The following FER variants were observed in gnomAD, a reference collection of about 807,000 sequenced individuals.
The protein encoded by FER is FER tyrosine kinase.
FER carries 63 observed loss-of-function variants against 111.0 expected under a neutral mutation model. The ratio of observed to expected loss-of-function variants is 0.57; its 90% confidence interval spans 0.46 to 0.70. The LOEUF (loss-of-function observed/expected upper bound fraction) is 0.70. Among genes scored for constraint, FER ranks in the 30% least tolerant of loss-of-function variants. The probability of loss-of-function intolerance (pLI) is 0.00; values close to 1 mark genes in which losing one functional copy is unlikely to be tolerated. For missense variants in FER, 914 were observed against 954.0 expected, an observed-to-expected ratio of 0.96 and a Z score of 0.55; for synonymous variants, 327 against 313.9, an observed-to-expected ratio of 1.04 and a Z score of -0.44.
chr5:109,074,982 A>T (rs77086150), intron 16 of FER, among the ~76,000 whole-genome samples: 4,657 of 152,316 alleles, frequency 0.031, 244 homozygotes, highest in African/African-American at 0.11. Flanking sequence ...ATCAGTATGG[A>T]ATATATCAAA....
chr5:108,941,538 G>A (rs72787096), intron 10 of FER, among the ~76,000 whole-genome samples: 18,974 of 152,170 alleles, frequency 0.12, 1,243 homozygotes, highest in Middle Eastern at 0.17. Context: ...TTGTCTCACA[G>A]TTTATTAGTT....
intron 11 of FER, among the ~76,000 whole-genome samples, chr5:108,947,092 C>T (rs773210996): frequency 7.2e-5 from 11 of 151,996 alleles, no homozygotes; most frequent in Admixed American, 3.9e-4. Context: ...TATCTATTCA[C>T]CAGCTGATGG....
intron 8 of FER, among the ~76,000 whole-genome samples, chr5:108,877,959 G>T (rs1765258020): frequency 6.6e-6 from 1 of 151,954 alleles, no homozygotes. Context: ...AGGCTGGAGT[G>T]CAGTGGCGCA....
At chr5:108,831,585 T>TA (rs1760053060) in intron 3 of FER, among the ~76,000 whole-genome samples, 2 of 152,296 alleles carry the variant, frequency 1.3e-5, no homozygotes, top group South Asian at 4.2e-4. Flanking sequence ...ATTTCACAAC[T>TA]AAAAATAGTC....
intron 10 of FER, among the ~76,000 whole-genome samples, chr5:108,900,325 C>T (rs1337122770): frequency 6.6e-6 from 1 of 152,012 alleles, no homozygotes. Flanking sequence ...TTCAGTTTTT[C>T]AATTAATAAT....
intron 13 of FER, among the ~76,000 whole-genome samples, chr5:108,976,334 T>A (rs1761333060): frequency 6.6e-6 from 1 of 152,198 alleles, no homozygotes; most frequent in African/African-American, 2.4e-5. Context: ...TTTTATCCTA[T>A]CAGATTGCTA....
intron 16 of FER, among the ~76,000 whole-genome samples, chr5:109,085,456 T>C (rs1348869893): frequency 9.1e-6 from 1 of 110,482 alleles, no homozygotes; most frequent in Non-Finnish European, 2.0e-5. Context: ...ATCTGGTGGA[T>C]TTTTTTTTTT....
chr5:109,158,688 G>A (rs1755677118), intron 17 of FER, among the ~76,000 whole-genome samples: 1 of 152,050 alleles, frequency 6.6e-6, no homozygotes, highest in Admixed American at 6.6e-5. Context: ...AATCTAGCTT[G>A]AGTGTCTTCA....
At chr5:109,060,001 A>T (rs1375092558) in intron 16 of FER, among the ~76,000 whole-genome samples, 1 of 152,234 alleles carries the variant, frequency 6.6e-6, no homozygotes, top group African/African-American at 2.4e-5. Context: ...ACAATGAAGA[A>T]AAATGAGCTA....
chr5:109,100,657 C>T lies in FER; in HGVS notation c.2048+138C>T, dbSNP rs1582029911. ...TTTCTGTATTTTGTGTGAAAGTGTCCTCTGCTAGTTGTTTATATAGTTTAT... is the reference window on the plus strand; with the variant it reads ...TTTCTGTATTTTGTGTGAAAGTGTCTTCTGCTAGTTGTTTATATAGTTTAT... On this transcript the variant is annotated intron_variant, in intron 17 of 19. Transcript: ENST00000281092. The T allele has an allele frequency of 7.1e-6, 6 of 845,572 alleles. 1 individual carries two copies. The Admixed American group carries it at 1.5e-4, about 21-fold the overall frequency. 52.4% of individuals were successfully genotyped at this position (845,572 alleles called of 1,614,324 possible). A position where few individuals can be genotyped will look rare whatever the true frequency, so the allele number is the denominator to read the frequency against.
intron 16 of FER, among the ~76,000 whole-genome samples, chr5:109,078,579 T>C (rs1213090708): frequency 6.6e-6 from 1 of 152,180 alleles, no homozygotes. Flanking sequence ...TGGGTCTGTT[T>C]ACTGACTCTC....
intron 13 of FER, among the ~76,000 whole-genome samples, chr5:108,989,249 C>T (rs1000510748): frequency 1.6e-4 from 24 of 151,986 alleles, no homozygotes; most frequent in African/African-American, 5.6e-4. Flanking sequence ...CAGAACTAGT[C>T]ATTATGAGAA....
chr5:108,961,518 T>TAA (rs1424934349), intron 13 of FER, among the ~76,000 whole-genome samples: 7 of 152,318 alleles, frequency 4.6e-5, no homozygotes, highest in Admixed American at 6.5e-5. Flanking sequence ...GAACTAGCTA[T>TAA]GAAAATAAAT....
At chr5:108,769,970 C>T (rs778087842) in intron 2 of FER, among the ~76,000 whole-genome samples, 2 of 151,350 alleles carry the variant, frequency 1.3e-5, no homozygotes, top group Non-Finnish European at 1.5e-5. Context: ...TTTTTTGAGA[C>T]GGAGCTTCAC....
At chr5:108,865,886 A>G (rs1335636162) in intron 5 of FER, among the ~76,000 whole-genome samples, 1 of 152,236 alleles carries the variant, frequency 6.6e-6, no homozygotes, top group Non-Finnish European at 1.5e-5. Context: ...CCACAATGAG[A>G]TACCATCTCA....
At chr5:109,127,283 T>C (rs983103534) in intron 17 of FER, among the ~76,000 whole-genome samples, 1 of 152,220 alleles carries the variant, frequency 6.6e-6, no homozygotes, top group Non-Finnish European at 1.5e-5. Flanking sequence ...TTAGAACATA[T>C]AGTAAAGAGT....
At chr5:108,987,497 C>T (rs1316042215) in intron 13 of FER, among the ~76,000 whole-genome samples, 1 of 152,148 alleles carries the variant, frequency 6.6e-6, no homozygotes, top group Non-Finnish European at 1.5e-5. Flanking sequence ...AGAGGTCTTT[C>T]ACCTCAGTGG....
At chr5:109,138,761 A>G (rs1344852534) in intron 17 of FER, among the ~76,000 whole-genome samples, 5 of 152,188 alleles carry the variant, frequency 3.3e-5, no homozygotes, top group African/African-American at 9.6e-5. Flanking sequence ...TTAGGAGACT[A>G]TTACAGCTAT....
intron 17 of FER, among the ~76,000 whole-genome samples, chr5:109,162,952 A>G (rs960015751): frequency 1.3e-5 from 2 of 152,094 alleles, no homozygotes; most frequent in Non-Finnish European, 2.9e-5. Flanking sequence ...TGTAATCATT[A>G]CCACACTTCC....
Sources: allele counts gnomAD v4.1 joint callset (sites outside exome capture counted in the v4.1 genomes callset), GRCh38; gene constraint gnomAD v4.1.1; transcripts MANE v1.5; gene names NCBI Gene and HGNC (gene_info 2026-07-23, HGNC 2026-07-21).